The following CHRM2 variants were observed in gnomAD, a reference collection of about 807,000 sequenced individuals.
CHRM2 encodes cholinergic receptor muscarinic 2, also known as muscarinic acetylcholine receptor M2.
Under a neutral mutation model 25.0 loss-of-function variants are expected in CHRM2, and 8 were observed. That is an observed-to-expected ratio of 0.32 (90% CI 0.19 to 0.58). The LOEUF (loss-of-function observed/expected upper bound fraction) is 0.58. CHRM2 is among the 20% of genes least tolerant of loss of function. The probability of loss-of-function intolerance (pLI) is 0.88; values close to 1 mark genes in which losing one functional copy is unlikely to be tolerated. For missense variants in CHRM2, 440 were observed against 567.1 expected (o/e 0.78, Z 2.28); for synonymous variants, 202 against 205.7 (o/e 0.98, Z 0.15).
intron 2 of CHRM2, chr7:136,938,480 T>A: frequency 9.0e-7 from 1 of 1,106,292 alleles, no homozygotes; most frequent in Non-Finnish European, 1.4e-6. Flanking sequence ...ACGGCCTGGA[T>A]GTTGGGGTTC....
rs1554434083 is a variant in CHRM2, at chr7:137,000,567, G to GGAAGGAAGGAAGGAAA, written c.-47+8318_-47+8319insAGAAGGAAGGAAGGAA. Among the ~76,000 whole-genome samples the GGAAGGAAGGAAGGAAA allele has an allele frequency of 6.4e-3, 807 of 125,520 alleles. 17 individuals are homozygous for GGAAGGAAGGAAGGAAA. Among genetic ancestry groups the GGAAGGAAGGAAGGAAA allele is most frequent in the African/African-American group, 0.021 (779 of 37,808 alleles). 82.3% of individuals were successfully genotyped at this position (125,520 alleles called of 152,430 possible). A position where few individuals can be genotyped will look rare whatever the true frequency, so the allele number is the denominator to read the frequency against. On this transcript the variant is annotated intron_variant, in intron 3 of 3. Coordinates refer to ENST00000680005, the MANE Select transcript of CHRM2 (RefSeq NM_001006630.2). ...AAGAAAGAAGGAAGGAAGGAAGGAA[G>GGAAGGAAGGAAGGAAA]GAAGGAAGGAAGGAAGGAAGGAAGG...
At chr7:136,927,776 T>G (rs74896372) in intron 2 of CHRM2, among the ~76,000 whole-genome samples, 2 of 152,178 alleles carry the variant, frequency 1.3e-5, no homozygotes, top group African/African-American at 4.8e-5. Context: ...ATTATTTTCA[T>G]CACCAGGAAA....
chr7:136,910,440 C>T (rs1048706673), intron 2 of CHRM2, among the ~76,000 whole-genome samples: 1 of 151,792 alleles, frequency 6.6e-6, no homozygotes, highest in Non-Finnish European at 1.5e-5. Context: ...TCTTTCAGAA[C>T]TTTAAGGCCC....
chr7:136,937,600 C>T (rs1003593114), intron 2 of CHRM2, among the ~76,000 whole-genome samples: 2 of 152,024 alleles, frequency 1.3e-5, no homozygotes, highest in South Asian at 2.1e-4. Context: ...TGTAAAAAAC[C>T]GACTGCTTGT....
At chr7:136,941,175 C>T (rs780123929) in intron 2 of CHRM2, among the ~76,000 whole-genome samples, 20 of 152,104 alleles carry the variant, frequency 1.3e-4, no homozygotes, top group Non-Finnish European at 2.6e-4. Flanking sequence ...AAAATACTAC[C>T]GCTGTTATAT....
chr7:136,899,439 C>G (rs1304508033), intron 2 of CHRM2: 1 of 152,104 alleles, frequency 6.6e-6, no homozygotes, highest in Non-Finnish European at 1.5e-5. Context: ...ATAATTCTTA[C>G]TAGTTTGCAT....
chr7:136,881,224 G>A (rs781531180), intron 2 of CHRM2, among the ~76,000 whole-genome samples: 1 of 150,792 alleles, frequency 6.6e-6, no homozygotes, highest in Non-Finnish European at 1.5e-5. Flanking sequence ...AAATCATACA[G>A]TATGTAGTTT....
chr7:136,874,542 T>C (rs1795970193), intron 2 of CHRM2, among the ~76,000 whole-genome samples: 1 of 5,412 alleles, frequency 1.8e-4, no homozygotes, highest in African/African-American at 8.2e-4. Flanking sequence ...TTCTCTGTCT[T>C]CCCCCATGCC....
At chr7:136,935,943 A>G (rs535551982) in intron 2 of CHRM2, among the ~76,000 whole-genome samples, 53 of 152,260 alleles carry the variant, frequency 3.5e-4, no homozygotes, top group African/African-American at 1.2e-3. Flanking sequence ...AATACACTAC[A>G]GTTCCTCCCA....
At chr7:136,950,572 A>G (rs1800348623) in intron 2 of CHRM2, among the ~76,000 whole-genome samples, 1 of 152,224 alleles carries the variant, frequency 6.6e-6, no homozygotes, top group African/African-American at 2.4e-5. Context: ...CATCCACTGT[A>G]GGAATTGAAA....
chr7:137,015,444 A>G lies in CHRM2; in HGVS notation c.579A>G (p.Ala193=). ...CTGTCACCTTTGGTACGGCTATTGC[A>G]GCCTTCTATTTGCCAGTGATCATCA... ...NAAVTFGTAI[A]AFYLPVIIMT... Residue 193 remains alanine (A), a synonymous_variant, in exon 4 of 4, where the codon GCA becomes GCG. Coordinates refer to ENST00000680005, the MANE Select transcript of CHRM2 (RefSeq NM_001006630.2). The surrounding 1 kb of genome is among the most constrained non-coding windows in gnomAD (Gnocchi z 5.1). 1.2e-6 allele frequency: 2 copies of G among 1,613,382 alleles called. No individual in the cohort carries two copies. The highest frequency in any genetic ancestry group is 1.7e-6 in the Non-Finnish European group (2 of 1,179,638).
intron 2 of CHRM2, among the ~76,000 whole-genome samples, chr7:136,959,866 G>A (rs748817894): frequency 6.6e-6 from 1 of 152,226 alleles, no homozygotes; most frequent in Non-Finnish European, 1.5e-5. Flanking sequence ...AGCTGAGATC[G>A]CACCATTGCA....
intron 2 of CHRM2, among the ~76,000 whole-genome samples, chr7:136,873,965 T>C (rs1234808596): frequency 6.6e-6 from 1 of 152,222 alleles, no homozygotes; most frequent in East Asian, 1.9e-4. Context: ...AAGACATTAT[T>C]AAACAGAAGT....
intron 2 of CHRM2, chr7:136,938,164 C>A: frequency 1.4e-6 from 1 of 695,010 alleles, no homozygotes; most frequent in Non-Finnish European, 2.6e-6. Context: ...AATACTATCT[C>A]TGCCCACTCT....
At chr7:136,922,254 C>T (rs1798491528) in intron 2 of CHRM2, among the ~76,000 whole-genome samples, 1 of 152,224 alleles carries the variant, frequency 6.6e-6, no homozygotes, top group South Asian at 2.1e-4. Flanking sequence ...TTTTACTGTA[C>T]AAGCATTTCC....
At chr7:137,012,374 T>C (rs946395386) in intron 3 of CHRM2, among the ~76,000 whole-genome samples, 1 of 152,040 alleles carries the variant, frequency 6.6e-6, no homozygotes, top group Non-Finnish European at 1.5e-5. Context: ...AAAAGGATTG[T>C]CAAAGGGAAA....
At chr7:136,956,981 C>T (rs909075121) in intron 2 of CHRM2, among the ~76,000 whole-genome samples, 1 of 152,142 alleles carries the variant, frequency 6.6e-6, no homozygotes, top group Non-Finnish European at 1.5e-5. Context: ...ACTCACTGTT[C>T]AAGAAAGCTG....
chr7:136,882,011 G>GT (rs1796284871), intron 2 of CHRM2, among the ~76,000 whole-genome samples: 1 of 151,986 alleles, frequency 6.6e-6, no homozygotes, highest in South Asian at 2.1e-4. Flanking sequence ...AATCTTTTTT[G>GT]TTTTACCAAT....
At chr7:136,903,253 A>G in intron 2 of CHRM2, 1 of 533,948 alleles carries the variant, frequency 1.9e-6, no homozygotes, top group Non-Finnish European at 3.8e-6. Flanking sequence ...AACCTGGAGG[A>G]CTCCATGCTG....
Sources: allele counts gnomAD v4.1 joint callset (sites outside exome capture counted in the v4.1 genomes callset), GRCh38; gene constraint gnomAD v4.1.1; non-coding constraint Gnocchi (gnomAD v3.1); transcripts MANE v1.5; gene names NCBI Gene and HGNC (gene_info 2026-07-23, HGNC 2026-07-21).